The following PCDH15 variants were observed in gnomAD, a reference collection of about 807,000 sequenced individuals.
The protein encoded by PCDH15 is protocadherin-15.
PCDH15 carries 129 observed loss-of-function variants against 178.5 expected under a neutral mutation model. That is an observed-to-expected ratio of 0.72 (90% confidence interval 0.63 to 0.84). The LOEUF is 0.84. Ranked by LOEUF, PCDH15 falls within the 40% of genes least tolerant of loss-of-function variation. The pLI, the probability that PCDH15 is intolerant of heterozygous loss-of-function variation, is 0.00. For missense variants in PCDH15, 2,230 were observed against 2,099.9 expected (o/e 1.06, Z -1.21); for synonymous variants, 800 against 732.0 (o/e 1.09, Z -1.50).
rs542511918 is a variant in PCDH15, at chr10:54,773,148, G to A, written c.-29+27777C>T. Among the ~76,000 whole-genome samples the A allele has an allele frequency of 2.0e-5, 3 of 152,216 alleles. No individual in the cohort carries two copies. In the South Asian group the frequency reaches 6.2e-4, roughly 32 times the overall value. ...AGGAAGAATAGCTAATGGATGCTAG[G>A]CTTAATACCTAGGTGATGGTATGCA... On this transcript the variant is annotated intron_variant, in intron 1 of 37. Coordinates refer to ENST00000644397, the MANE Select transcript of PCDH15 (RefSeq NM_001384140.1).
At chr10:53,840,229 T>C (rs958409318) in intron 29 of PCDH15, 91 bp downstream of exon 29, 9 of 1,448,506 alleles carry the variant, frequency 6.2e-6, no homozygotes, top group Middle Eastern at 1.8e-4. Context: ...TTGGTGGGTT[T>C]TAAACTTTAA....
intron 3 of PCDH15, among the ~76,000 whole-genome samples, chr10:54,811,633 G>A (rs772855280): frequency 1.3e-5 from 2 of 151,898 alleles, no homozygotes; most frequent in African/African-American, 2.4e-5. Flanking sequence ...ACGACGCCCC[G>A]CAATTTTTTT....
At chr10:54,568,346 C>T (rs868611177) in intron 2 of PCDH15, among the ~76,000 whole-genome samples, 2 of 152,036 alleles carry the variant, frequency 1.3e-5, no homozygotes, top group African/African-American at 2.4e-5. Context: ...TAGCCCACCA[C>T]GCATTCCCTC....
chr10:54,395,639 T>TAC (rs1195274283), intron 3 of PCDH15, among the ~76,000 whole-genome samples: 1 of 151,290 alleles, frequency 6.6e-6, no homozygotes, highest in Non-Finnish European at 1.5e-5. Context: ...ATTAAGTTTA[T>TAC]ACACACACAA....
intron 18 of PCDH15, among the ~76,000 whole-genome samples, chr10:54,063,664 G>A (rs2384373): frequency 0.53 from 80,581 of 151,996 alleles, 21,711 homozygotes; most frequent in Middle Eastern, 0.64. Context: ...CTGGCAGGCT[G>A]TGCTTGGCTC....
At chr10:54,102,649 A>T (rs780623482) in intron 15 of PCDH15, among the ~76,000 whole-genome samples, 6 of 152,212 alleles carry the variant, frequency 3.9e-5, no homozygotes, top group Non-Finnish European at 8.8e-5. Context: ...TTTTCTAGGT[A>T]GAAGAAGCTC....
At chr10:55,007,949 T>TA (rs1231278798) in intron 2 of PCDH15, among the ~76,000 whole-genome samples, 1 of 152,162 alleles carries the variant, frequency 6.6e-6, no homozygotes, top group Non-Finnish European at 1.5e-5. Flanking sequence ...TTACAACTTA[T>TA]AAAAGACATT....
chr10:54,087,673 C>A (rs2094536192), intron 16 of PCDH15, among the ~76,000 whole-genome samples: 1 of 152,180 alleles, frequency 6.6e-6, no homozygotes, highest in Non-Finnish European at 1.5e-5. Flanking sequence ...GAGCAGAATG[C>A]TGGCTTATGC....
chr10:55,178,901 C>T (rs2132131881), intron 1 of PCDH15, among the ~76,000 whole-genome samples: 1 of 152,172 alleles, frequency 6.6e-6, no homozygotes, highest in South Asian at 2.1e-4. Flanking sequence ...ATTTAACTGC[C>T]CTCCCCCAAA....
chr10:55,553,345 A>C (rs1422102540), intron 2 of PCDH15, among the ~76,000 whole-genome samples: 2 of 151,806 alleles, frequency 1.3e-5, no homozygotes, highest in Admixed American at 1.3e-4. Flanking sequence ...GTAATTCCTA[A>C]ATTTTCATTA....
chr10:54,443,225 C>A (rs1025355059), intron 3 of PCDH15, among the ~76,000 whole-genome samples: 14 of 151,436 alleles, frequency 9.2e-5, no homozygotes, highest in Non-Finnish European at 1.8e-4. Flanking sequence ...TGAGATAAGT[C>A]TCCTTCTTAG....
intron 2 of PCDH15, among the ~76,000 whole-genome samples, chr10:55,134,728 TG>T (rs1170081103): frequency 6.6e-6 from 1 of 152,192 alleles, no homozygotes; most frequent in African/African-American, 2.4e-5. Flanking sequence ...AACTGTTGGG[TG>T]GGACTTAATC....
chr10:54,965,666 T>C, intron 2 of PCDH15, among the ~76,000 whole-genome samples: 1 of 142,218 alleles, frequency 7.0e-6, no homozygotes, highest in East Asian at 2.2e-4. Flanking sequence ...TAGCTTGCTA[T>C]GTCTTTGAAA....
chr10:54,818,067 A>C (rs1952976781), intron 3 of PCDH15, among the ~76,000 whole-genome samples: 1 of 152,038 alleles, frequency 6.6e-6, no homozygotes, highest in Non-Finnish European at 1.5e-5. Context: ...ATTAAAATCC[A>C]TAATTCACAT....
intron 29 of PCDH15, 146 bp downstream of exon 29, chr10:53,840,174 T>A (rs2077553509): frequency 1.1e-6 from 1 of 888,656 alleles, no homozygotes; most frequent in Admixed American, 2.5e-5. Flanking sequence ...ATGAGAATCC[T>A]AGGTATTTCA....
chr10:54,888,807 T>A (rs1227991827), intron 3 of PCDH15, among the ~76,000 whole-genome samples: 1 of 148,178 alleles, frequency 6.7e-6, no homozygotes, highest in African/African-American at 2.5e-5. Context: ...TTTTTTTAAG[T>A]GGGCTATTTT....
intron 3 of PCDH15, among the ~76,000 whole-genome samples, chr10:54,812,782 A>G (rs577767844): frequency 1.3e-5 from 2 of 152,104 alleles, no homozygotes; most frequent in East Asian, 3.9e-4. Flanking sequence ...TATTTTTCGT[A>G]GAGATGGAGT....
chr10:55,395,231 GAAA>G (rs1837898697), intron 2 of PCDH15, among the ~76,000 whole-genome samples: 1 of 121,528 alleles, frequency 8.2e-6, no homozygotes, highest in African/African-American at 3.1e-5. Flanking sequence ...GAGAGAGAGA[GAAA>G]GAGACTACGT....
intron 1 of PCDH15, among the ~76,000 whole-genome samples, chr10:55,205,856 G>A (rs1840384845): frequency 6.6e-6 from 1 of 152,074 alleles, no homozygotes; most frequent in Non-Finnish European, 1.5e-5. Flanking sequence ...ACATGGCTGG[G>A]GAGGCCTCAC....
Sources: gnomAD v4.1 joint callset for allele counts (sites outside exome capture counted in the v4.1 genomes callset) on GRCh38, gnomAD v4.1.1 for gene constraint, MANE v1.5 for transcripts, NCBI Gene and HGNC (gene_info 2026-07-23, HGNC 2026-07-21) for gene names.